The following HACE1 variants were observed in gnomAD, a reference collection of about 807,000 sequenced individuals.
HACE1 encodes the protein HECT domain and ankyrin repeat containing E3 ubiquitin protein ligase 1.
HACE1 carries 73 observed loss-of-function variants against 118.4 expected under a neutral mutation model. The ratio of observed to expected loss-of-function variants is 0.62; its 90% CI spans 0.51 to 0.75. The LOEUF (loss-of-function observed/expected upper bound fraction) is 0.75. HACE1 is among the 30% of genes least tolerant of loss of function. The probability of loss-of-function intolerance (pLI) is 0.00; values close to 1 mark genes in which losing one functional copy is unlikely to be tolerated. For synonymous variants in HACE1, 368 were observed against 374.8 expected (o/e 0.98, Z 0.21); for missense variants, 749 against 1,102.2 (o/e 0.68, Z 4.54).
intron 17 of HACE1, among the ~76,000 whole-genome samples, chr6:104,775,284 C>A (rs955292136): frequency 4.6e-5 from 7 of 151,972 alleles, no homozygotes; most frequent in African/African-American, 1.7e-4. Flanking sequence ...ACTCGGGAGG[C>A]TGAGGTGGAG....
intron 20 of HACE1, among the ~76,000 whole-genome samples, chr6:104,748,951 G>A (rs1211349804): frequency 6.6e-6 from 1 of 151,970 alleles, no homozygotes; most frequent in Non-Finnish European, 1.5e-5. Context: ...TCTTCATCTG[G>A]GTGTTAGTTT....
At chr6:104,801,779 A>G (rs1258195217) in intron 7 of HACE1, among the ~76,000 whole-genome samples, 2 of 152,222 alleles carry the variant, frequency 1.3e-5, no homozygotes, top group Non-Finnish European at 2.9e-5. Context: ...AAGACCATCA[A>G]TGCTATGAAG....
At chr6:104,832,394 T>C (rs1014604739) in intron 6 of HACE1, among the ~76,000 whole-genome samples, 3 of 151,892 alleles carry the variant, frequency 2.0e-5, no homozygotes, top group African/African-American at 7.3e-5. Context: ...GTTGTTGTTG[T>C]TGTTGTTGTT....
At position 104,796,967 on chromosome 6, in the gene HACE1, C is replaced by T; in HGVS notation, c.676G>A (p.Asp226Asn). 1 of 1,603,346 alleles carries T rather than the reference C, an allele frequency of 6.2e-7. No homozygotes were observed. The highest frequency in any genetic ancestry group is 8.5e-7 in the Non-Finnish European group (1 of 1,170,350). ...LLLRGAKYLP[D>N]KNGVTPLDLC... The stretch of plus-strand genomic sequence containing the variant: ...TCCAGAGGAGTTACTCCATTTTTAT[C>T]TGGCAGATATTTGGCTCCTCGTAAT... Residue 226 changes from aspartate to asparagine, a missense_variant, in exon 8 of 24, where the codon GAT becomes AAT. Physicochemically the swap from Asp to Asn is conservative, Grantham distance 23. Around this residue, in one of 5 missense-constraint regions of HACE1, gnomAD observed 267 missense variants for 312.2 expected, o/e 0.86. Coordinates refer to ENST00000262903, the MANE Select transcript of HACE1 (RefSeq NM_020771.4).
intron 6 of HACE1, among the ~76,000 whole-genome samples, chr6:104,820,734 G>A (rs942911668): frequency 5.3e-5 from 8 of 152,208 alleles, no homozygotes; most frequent in African/African-American, 1.4e-4. Flanking sequence ...CTTAAACACC[G>A]TTGGTGGGAG....
chr6:104,732,122 A>C (rs897016440), intron 22 of HACE1: 12 of 152,194 alleles, frequency 7.9e-5, no homozygotes, highest in African/African-American at 2.9e-4. Flanking sequence ...AAAATGATGC[A>C]GCCTCTGTGG....
chr6:104,849,503 A>AT lies in HACE1; in HGVS notation c.222-258_222-257insA, dbSNP rs1775974373. Among the ~76,000 whole-genome samples the AT allele has an allele frequency of 1.0e-4, 8 of 80,304 alleles. No individual in the cohort carries two copies. The Admixed American group carries it at 1.1e-3, about 11-fold the overall frequency. The allele number at this position is 80,304 out of a possible 152,430, so 52.7% of individuals were successfully genotyped here. Reference sequence around the variant, plus strand: ...CAGGCATGAGCCACCACAATTGGGTAATTTTTTTTTTTTTTTTTCTGTAGA... The same window carrying AT: ...CAGGCATGAGCCACCACAATTGGGTATATTTTTTTTTTTTTTTTTCTGTAGA... On this transcript the variant is annotated intron_variant, in intron 3 of 23. Coordinates refer to ENST00000262903, the MANE Select transcript of HACE1 (RefSeq NM_020771.4).
At chr6:104,838,880 A>C (rs993347029) in intron 5 of HACE1, among the ~76,000 whole-genome samples, 4 of 135,784 alleles carry the variant, frequency 2.9e-5, no homozygotes, top group Non-Finnish European at 6.4e-5. Context: ...GAACTCAAAC[A>C]ACTCCATAGT....
intron 17 of HACE1, among the ~76,000 whole-genome samples, chr6:104,773,771 TA>T (rs199641990): frequency 2.2e-4 from 32 of 147,398 alleles, no homozygotes; most frequent in Non-Finnish European, 2.7e-4. Context: ...GAGACTTTTT[TA>T]AAAAAAAAAA....
At chr6:104,800,203 C>T (rs373116941) in intron 7 of HACE1, among the ~76,000 whole-genome samples, 1 of 152,074 alleles carries the variant, frequency 6.6e-6, no homozygotes, top group Non-Finnish European at 1.5e-5. Context: ...GTAAACAAAG[C>T]GACAGGGAAG....
intron 1 of HACE1, chr6:104,858,435 T>C: frequency 2.9e-6 from 1 of 345,470 alleles, no homozygotes; most frequent in South Asian, 2.1e-5. Flanking sequence ...GCGCGGTGGC[T>C]CACATCTGTA....
chr6:104,755,567 C>A (rs112319852), intron 19 of HACE1, among the ~76,000 whole-genome samples: 69 of 152,248 alleles, frequency 4.5e-4, no homozygotes, highest in African/African-American at 1.7e-3. Context: ...GAAATGAAAT[C>A]ATAACAAACA....
At chr6:104,734,157 A>AG (rs941913787) in intron 22 of HACE1, among the ~76,000 whole-genome samples, 6 of 151,706 alleles carry the variant, frequency 4.0e-5, no homozygotes, top group South Asian at 2.1e-4. Flanking sequence ...AAAAAAAAAA[A>AG]AAAAAGAAAT....
At chr6:104,789,717 C>T (rs1219615789) in intron 11 of HACE1, among the ~76,000 whole-genome samples, 4 of 152,036 alleles carry the variant, frequency 2.6e-5, no homozygotes, top group Non-Finnish European at 5.9e-5. Context: ...TAAATATAAT[C>T]TAACCCAATT....
At chr6:104,841,046 G>A (rs191401934) in intron 5 of HACE1, among the ~76,000 whole-genome samples, 193 of 151,880 alleles carry the variant, frequency 1.3e-3, no homozygotes, top group Non-Finnish European at 1.8e-3. Flanking sequence ...ACTTGAACCC[G>A]GGAGGTGGAA....
intron 4 of HACE1, among the ~76,000 whole-genome samples, chr6:104,845,248 T>G (rs1223921239): frequency 6.6e-6 from 1 of 151,928 alleles, no homozygotes; most frequent in Non-Finnish European, 1.5e-5. Context: ...TTTAATCAAC[T>G]CAGTAGTAAG....
intron 19 of HACE1, among the ~76,000 whole-genome samples, chr6:104,766,472 T>C (rs1780027855): frequency 6.6e-6 from 1 of 152,180 alleles, no homozygotes; most frequent in Non-Finnish European, 1.5e-5. Context: ...TTTCTAAAGA[T>C]GCATATAAAG....
intron 1 of HACE1, chr6:104,858,321 G>T (rs1347644077): frequency 1.0e-5 from 2 of 197,570 alleles, no homozygotes; most frequent in South Asian, 6.3e-5. Flanking sequence ...GTGGAAGTTG[G>T]AAAGAAAATA....
intron 19 of HACE1, among the ~76,000 whole-genome samples, chr6:104,751,527 G>T (rs1778042699): frequency 6.6e-6 from 1 of 152,142 alleles, no homozygotes; most frequent in Non-Finnish European, 1.5e-5. Flanking sequence ...TACTAGGGGA[G>T]GCTGAGGTGG....
Sources: allele counts gnomAD v4.1 joint callset (sites outside exome capture counted in the v4.1 genomes callset), GRCh38; gene constraint gnomAD v4.1.1; regional missense constraint gnomAD v4.1.1; transcripts MANE v1.5; gene names NCBI Gene and HGNC (gene_info 2026-07-23, HGNC 2026-07-21).